The following TRNAU1AP variants were observed in gnomAD, a reference collection of about 807,000 sequenced individuals.
TRNAU1AP encodes tRNA selenocysteine 1-associated protein 1.
In TRNAU1AP, 33 loss-of-function variants were observed where a neutral mutation model predicts 43.3. The observed-to-expected ratio is 0.76, with a 90% CI of 0.58 to 1.02. The LOEUF is 1.02. Ranked by LOEUF, TRNAU1AP falls within the 50% of genes least tolerant of loss-of-function variation. The pLI is 0.00. For synonymous variants in TRNAU1AP, 143 were observed against 129.1 expected (o/e 1.11, Z -0.73); for missense variants, 290 against 362.7 (o/e 0.80, Z 1.63).
Position 28,577,535 on chromosome 1 carries a change from A to C in TRNAU1AP, c.763A>C (p.Lys255Gln). The change falls in exon 9 of 9, where the codon AAG (lysine) becomes CAG (glutamine). Residue 255 changes from lysine (K) to glutamine (Q), a missense_variant. Physicochemically the swap from Lys to Gln is moderately conservative, Grantham distance 53. Around this residue, in one of 3 missense-constraint regions of TRNAU1AP, gnomAD observed 57 missense variants for 55.1 expected, o/e 1.03. Transcript: ENST00000373830. Reference sequence around the variant, plus strand: ...ACAGCTGGATGTGACTGAGGCCAACAAGGAGTTCATGGAACAGAGTGAGGA... The same window carrying C: ...ACAGCTGGATGTGACTGAGGCCAACCAGGAGTTCATGGAACAGAGTGAGGA... ...MPQLDVTEAN[K>Q]EFMEQSEELY... 1 of 1,614,078 alleles carries C rather than the reference A, an allele frequency of 6.2e-7. No homozygotes were observed. The highest frequency in any genetic ancestry group is 8.5e-7 in the Non-Finnish European group (1 of 1,179,998).
rs992803161 is a variant in TRNAU1AP at position 28,578,279 on chromosome 1, A to AAGAT, written c.*646_*649dup. The stretch of plus-strand genomic sequence containing the variant: ...GAAGGCAGCTCAGAAAGGATTAAGG[A>AAGAT]AGATAGCTCAAAGCCAAAGCAGACC... On this transcript the variant is annotated 3_prime_UTR_variant, in exon 9 of 9. Coordinates refer to ENST00000373830, the MANE Select transcript of TRNAU1AP (RefSeq NM_017846.5). 7.3e-5 allele frequency: 12 copies of AAGAT among 163,964 alleles called. No individual in the cohort carries two copies. Among genetic ancestry groups the AAGAT allele is most frequent in the Admixed American group, 2.9e-4 (5 of 17,418 alleles). 10.2% of individuals were successfully genotyped at this position (163,964 alleles called of 1,614,324 possible).
At chr1:28,556,142 G>A (rs554342449) in intron 2 of TRNAU1AP, among the ~76,000 whole-genome samples, 2 of 151,508 alleles carry the variant, frequency 1.3e-5, no homozygotes, top group Admixed American at 1.3e-4. Context: ...GTGAGCCACC[G>A]CGCCCGGCCC....
intron 4 of TRNAU1AP, 115 bp from the exon 5 acceptor site, chr1:28,564,588 C>A: frequency 7.9e-7 from 1 of 1,272,890 alleles, no homozygotes; most frequent in Non-Finnish European, 1.1e-6. Flanking sequence ...TAAGTAGACC[C>A]ATCAAATGTT....
chr1:28,561,330 GT>G lies in TRNAU1AP; in HGVS notation c.226-11del. 6.2e-7 allele frequency: 1 copy of G among 1,614,024 alleles called. No individual in the cohort carries two copies. The highest frequency in any genetic ancestry group is 8.5e-7 in the Non-Finnish European group (1 of 1,179,946). ...CACCTTTCTCTGTTTTAGTTTGTTT[GT>G]TTTTCAACTTCCAGGCGAAACGTTT... On this transcript the variant is annotated splice_polypyrimidine_tract_variant and intron_variant, in intron 3 of 8. Coordinates refer to ENST00000373830, the MANE Select transcript of TRNAU1AP (RefSeq NM_017846.5).
intron 4 of TRNAU1AP, among the ~76,000 whole-genome samples, chr1:28,563,902 T>A (rs1013601102): frequency 6.6e-6 from 1 of 152,074 alleles, no homozygotes; most frequent in Admixed American, 6.6e-5. Context: ...TTTATTTTTT[T>A]AATAGAATTG....
intron 2 of TRNAU1AP, among the ~76,000 whole-genome samples, chr1:28,555,799 C>A (rs1570244823): frequency 6.6e-6 from 1 of 152,086 alleles, no homozygotes; most frequent in South Asian, 2.1e-4. Flanking sequence ...AGCAGAAAAC[C>A]CCAGATAATC....
rs767175363 is a variant in TRNAU1AP at position 28,556,394 on chromosome 1, G to GT, written c.125+2658dup. ...AAGGAGAATCGTTTGAACCCAGGAG[G>GT]TAGAGGTTGCAGTGAGCCGAGATTG... On this transcript the variant is annotated intron_variant, in intron 2 of 8. Coordinates refer to ENST00000373830, the MANE Select transcript of TRNAU1AP (RefSeq NM_017846.5). Among the ~76,000 whole-genome samples, 740 of 151,906 alleles carry GT rather than the reference G, an allele frequency of 4.9e-3. 4 individuals carry two copies. The highest frequency in any genetic ancestry group is 7.6e-3 in the Non-Finnish European group (520 of 67,974).
At chr1:28,566,523 C>T (rs1194849715) in intron 5 of TRNAU1AP, among the ~76,000 whole-genome samples, 3 of 151,552 alleles carry the variant, frequency 2.0e-5, no homozygotes, top group African/African-American at 7.3e-5. Context: ...GAGGCCGAGG[C>T]GGGTGGATCA....
chr1:28,567,365 T>A lies in TRNAU1AP; in HGVS notation c.482T>A (p.Val161Glu). 6.2e-7 allele frequency: 1 copy of A among 1,613,980 alleles called. No individual in the cohort carries two copies. The highest frequency in any genetic ancestry group is 8.5e-7 in the Non-Finnish European group (1 of 1,179,984). Residue 161 changes from valine (V) to glutamate (E), a missense_variant, in exon 6 of 9, where the codon GTG (valine) becomes GAG (glutamate). Physicochemically the swap from Val to Glu is moderately radical, Grantham distance 121 (BLOSUM62 -2). Around this residue, in one of 3 missense-constraint regions of TRNAU1AP, gnomAD observed 174 missense variants for 262.1 expected, o/e 0.66. Transcript: ENST00000373830. ...GCCCTGACGGAGTGCCAGGGAGCAG[T>A]GGGACTGGGGTCTAAGCCTGTGCGG... ...KRALTECQGA[V>E]GLGSKPVRLS... is the part of the protein sequence containing the mutation.
intron 4 of TRNAU1AP, among the ~76,000 whole-genome samples, chr1:28,561,862 G>GGA (rs1357665024): frequency 6.6e-6 from 1 of 152,156 alleles, no homozygotes; most frequent in Non-Finnish European, 1.5e-5. Flanking sequence ...CACGAGGTCA[G>GGA]GAGATCGAGA....
Position 28,554,215 on chromosome 1 carries a change from A to AAAC in TRNAU1AP, c.125+480_125+481insCAA, listed in dbSNP as rs1437328969. Reference sequence around the variant, plus strand: ...CAATGTCTCAAAAAAAAAAAAAACAAAAAAACAAAAAACGCAGGACTCAAG... The same window carrying AAAC: ...CAATGTCTCAAAAAAAAAAAAAACAAAACAAAAACAAAAAACGCAGGACTCAAG... On this transcript the variant is annotated intron_variant, in intron 2 of 8. Transcript: ENST00000373830. 1.8e-3 allele frequency among the ~76,000 whole-genome samples: 270 copies of AAAC among 146,510 alleles called. 2 individuals carry two copies. The highest frequency in any genetic ancestry group is 6.9e-3 in the African/African-American group (254 of 36,670).
In TRNAU1AP at chr1:28,577,890, GAC is replaced by G; in HGVS notation, c.*256_*257del. 1 of 395,052 alleles carries G rather than the reference GAC, an allele frequency of 2.5e-6. No individual in the cohort carries two copies. Among genetic ancestry groups the G allele is most frequent in the Non-Finnish European group, 4.6e-6 (1 of 216,986 alleles). The allele number at this position is 395,052 out of a possible 1,614,324, so 24.5% of individuals were successfully genotyped here. On this transcript the variant is annotated 3_prime_UTR_variant, in exon 9 of 9. Coordinates refer to ENST00000373830, the MANE Select transcript of TRNAU1AP (RefSeq NM_017846.5). ...TTTGTCCAGGTAGTTATCCACATAG[GAC>G]AGTTTGGGATTATCCAAAACTGGGA... is the stretch of plus-strand genomic sequence containing the variant.
intron 5 of TRNAU1AP, 105 bp downstream of exon 5, chr1:28,564,939 A>G: frequency 7.0e-7 from 1 of 1,421,976 alleles, no homozygotes; most frequent in Non-Finnish European, 9.8e-7. Context: ...TTAAGACCAC[A>G]AGCTCTGGAG....
At chr1:28,571,509 C>T (rs1166352206) in intron 7 of TRNAU1AP, among the ~76,000 whole-genome samples, 171 bp downstream of exon 7, 1 of 152,074 alleles carries the variant, frequency 6.6e-6, no homozygotes, top group Admixed American at 6.6e-5. Context: ...GGGTAGGGCC[C>T]AGTGGCTCAC....
intron 6 of TRNAU1AP, among the ~76,000 whole-genome samples, chr1:28,567,950 G>A (rs1358234627): frequency 1.3e-5 from 2 of 152,058 alleles, no homozygotes; most frequent in East Asian, 3.9e-4. Flanking sequence ...GATCACCTGA[G>A]GTCAGTAGTT....
At chr1:28,553,566 C>T in intron 1 of TRNAU1AP, 74 bp from the exon 2 acceptor site, 1 of 1,428,110 alleles carries the variant, frequency 7.0e-7, no homozygotes, top group Non-Finnish European at 9.8e-7. Context: ...CTGGGCTGAA[C>T]GGGAGGGGCT....
intron 4 of TRNAU1AP, among the ~76,000 whole-genome samples, chr1:28,563,808 C>T (rs1330916252): frequency 6.6e-6 from 1 of 151,934 alleles, no homozygotes; most frequent in African/African-American, 2.4e-5. Flanking sequence ...GCCGAGATCA[C>T]GCCACTGCAC....
At chr1:28,573,395 CT>C (rs1665705777) in intron 8 of TRNAU1AP, among the ~76,000 whole-genome samples, 1 of 151,478 alleles carries the variant, frequency 6.6e-6, no homozygotes, top group Non-Finnish European at 1.5e-5. Context: ...AATCCCAGCC[CT>C]TTGGGAGGCC....
intron 2 of TRNAU1AP, among the ~76,000 whole-genome samples, chr1:28,559,993 A>T (rs774488544): frequency 1.1e-4 from 17 of 152,070 alleles, no homozygotes; most frequent in Non-Finnish European, 2.2e-4. Context: ...TTAGCCAGGC[A>T]TGGTGGTGGG....
Sources: allele counts gnomAD v4.1 joint callset (sites outside exome capture counted in the v4.1 genomes callset), GRCh38; gene constraint gnomAD v4.1.1; regional missense constraint gnomAD v4.1.1; transcripts MANE v1.5; gene names NCBI Gene and HGNC (gene_info 2026-07-23, HGNC 2026-07-21).